KIF6: variants seen among roughly 807,000 people sequenced by gnomAD.
KIF6 encodes kinesin family member 6.
KIF6 carries 106 observed loss-of-function variants against 112.7 expected under a neutral mutation model. That is an observed-to-expected ratio of 0.94 (90% CI 0.80 to 1.11). The LOEUF is 1.11. Ranked by LOEUF, KIF6 falls within the 50% of genes least tolerant of loss-of-function variation. KIF6 has a pLI of 0.00. For synonymous variants in KIF6, 339 were observed against 339.9 expected, an observed-to-expected ratio of 1.00 and a Z score of 0.03; for missense variants, 929 against 964.0, an observed-to-expected ratio of 0.96 and a Z score of 0.48.
At chr6:39,412,774 G>A (rs1055940790) in intron 15 of KIF6, among the ~76,000 whole-genome samples, 2 of 152,168 alleles carry the variant, frequency 1.3e-5, no homozygotes, top group African/African-American at 4.8e-5. Flanking sequence ...CCAGGAAGCT[G>A]TGGAGAAATG....
chr6:39,684,250 C>T (rs1481243328), intron 3 of KIF6, among the ~76,000 whole-genome samples: 1 of 152,128 alleles, frequency 6.6e-6, no homozygotes, highest in Non-Finnish European at 1.5e-5. Flanking sequence ...GCCTGTAATC[C>T]TAGCACTTTG....
At chr6:39,661,014 C>G (rs1336354200) in intron 3 of KIF6, among the ~76,000 whole-genome samples, 1 of 152,098 alleles carries the variant, frequency 6.6e-6, no homozygotes, top group East Asian at 1.9e-4. Flanking sequence ...GCTGCAAAAT[C>G]CAAATTGGTC....
chr6:39,350,351 G>A (rs1015856443), intron 19 of KIF6, among the ~76,000 whole-genome samples: 16 of 152,116 alleles, frequency 1.1e-4, no homozygotes, highest in African/African-American at 1.9e-4. Flanking sequence ...AAACACAACT[G>A]CTGTGAGGAA....
intron 21 of KIF6, among the ~76,000 whole-genome samples, chr6:39,344,141 G>A (rs1161827382): frequency 2.0e-5 from 3 of 152,218 alleles, no homozygotes; most frequent in Non-Finnish European, 2.9e-5. Context: ...TCATGGGGAC[G>A]GTTTCCTCCA....
intron 10 of KIF6, among the ~76,000 whole-genome samples, chr6:39,570,263 T>C (rs1319999880): frequency 6.6e-6 from 1 of 152,118 alleles, no homozygotes; most frequent in Non-Finnish European, 1.5e-5. Context: ...CAGTACAGCT[T>C]GGAGAGACAT....
chr6:39,337,500 A>G (rs1763098080), intron 22 of KIF6, among the ~76,000 whole-genome samples: 1 of 151,714 alleles, frequency 6.6e-6, no homozygotes, highest in Non-Finnish European at 1.5e-5. Context: ...TTTACTAGAG[A>G]TGGGGTTTCA....
At chr6:39,621,012 G>A (rs753213128) in intron 5 of KIF6, among the ~76,000 whole-genome samples, 13 of 151,998 alleles carry the variant, frequency 8.6e-5, no homozygotes, top group Admixed American at 1.3e-4. Flanking sequence ...TAGGTGATTT[G>A]CCCACCCTGG....
intron 5 of KIF6, among the ~76,000 whole-genome samples, chr6:39,625,519 A>G (rs1228053661): frequency 6.6e-6 from 1 of 152,170 alleles, no homozygotes; most frequent in Non-Finnish European, 1.5e-5. Context: ...AAGCACCCCC[A>G]ACTCCTCAAG....
chr6:39,668,901 A>T (rs1405970546), intron 3 of KIF6, among the ~76,000 whole-genome samples: 3 of 152,144 alleles, frequency 2.0e-5, no homozygotes, highest in Admixed American at 2.0e-4. Context: ...GTGGAAAAAA[A>T]TTTTAAATTA....
intron 10 of KIF6, among the ~76,000 whole-genome samples, chr6:39,561,646 C>T (rs983299593): frequency 7.9e-5 from 12 of 152,124 alleles, no homozygotes; most frequent in Non-Finnish European, 1.6e-4. Flanking sequence ...TGTGAGCCGC[C>T]GCACCTGGCC....
intron 12 of KIF6, among the ~76,000 whole-genome samples, chr6:39,544,093 T>A (rs1359339677): frequency 1.3e-5 from 2 of 152,198 alleles, no homozygotes; most frequent in Non-Finnish European, 2.9e-5. Context: ...CATTTGTCAT[T>A]TTTCAGCCAT....
chr6:39,385,089 T>C (rs1562159681), intron 16 of KIF6, among the ~76,000 whole-genome samples: 1 of 152,206 alleles, frequency 6.6e-6, no homozygotes, highest in Non-Finnish European at 1.5e-5. Context: ...GGAACAGAAC[T>C]GGGTTCAAAT....
chr6:39,602,326 A>G (rs1302363690), intron 6 of KIF6, among the ~76,000 whole-genome samples: 3 of 152,146 alleles, frequency 2.0e-5, no homozygotes, highest in Non-Finnish European at 4.4e-5. Context: ...TCTGCAGTCT[A>G]TGGTTAAAGA....
chr6:39,363,080 C>T (rs999434540), intron 16 of KIF6, among the ~76,000 whole-genome samples: 5 of 152,044 alleles, frequency 3.3e-5, no homozygotes, highest in African/African-American at 9.7e-5. Flanking sequence ...ACATGGGAGG[C>T]GGAGGTTGCA....
chr6:39,646,480 C>G (rs146537614), intron 3 of KIF6, among the ~76,000 whole-genome samples: 1 of 152,104 alleles, frequency 6.6e-6, no homozygotes, highest in Non-Finnish European at 1.5e-5. Flanking sequence ...ACTTAGAGAA[C>G]TGGGCAGGGC....
intron 13 of KIF6, among the ~76,000 whole-genome samples, chr6:39,491,927 T>C (rs1021426400): frequency 6.6e-6 from 1 of 152,194 alleles, no homozygotes; most frequent in Non-Finnish European, 1.5e-5. Flanking sequence ...TAGCTGCCTA[T>C]ATTAAAACGA....
At chr6:39,362,176 T>TG (rs1400010941) in intron 17 of KIF6, among the ~76,000 whole-genome samples, 3 of 152,114 alleles carry the variant, frequency 2.0e-5, no homozygotes, top group Non-Finnish European at 4.4e-5. Context: ...ATTTCTTGGC[T>TG]CCCGTAGGTG....
At chr6:39,536,785 T>A (rs1198745474) in intron 13 of KIF6, among the ~76,000 whole-genome samples, 2 of 152,038 alleles carry the variant, frequency 1.3e-5, no homozygotes, top group African/African-American at 4.8e-5. Flanking sequence ...TAGACCAATA[T>A]CCCTGATGAA....
intron 13 of KIF6, among the ~76,000 whole-genome samples, chr6:39,445,967 C>T (rs143602002): frequency 1.8e-4 from 27 of 152,320 alleles, no homozygotes; most frequent in African/African-American, 6.3e-4. Context: ...CAGGCAGAGA[C>T]CCAATGAAGT....
Sources: gnomAD v4.1 joint callset for allele counts (sites outside exome capture counted in the v4.1 genomes callset) on GRCh38, gnomAD v4.1.1 for gene constraint, MANE v1.5 for transcripts, NCBI Gene and HGNC (gene_info 2026-07-23, HGNC 2026-07-21) for gene names.